Variants in PCDHGB2 observed in about 807,000 individuals in gnomAD.
PCDHGB2 encodes protocadherin gamma-B2.
PCDHGB2 carries 55 observed loss-of-function variants against 59.3 expected under a neutral mutation model. The ratio of observed to expected loss-of-function variants is 0.93; its 90% CI spans 0.75 to 1.16. The LOEUF (loss-of-function observed/expected upper bound fraction) is 1.16, where lower values mean the gene tolerates loss of function less well. PCDHGB2 is among the 50% of genes most tolerant of loss of function. The probability of loss-of-function intolerance (pLI) is 0.00; values close to 1 mark genes in which losing one functional copy is unlikely to be tolerated. For synonymous variants in PCDHGB2, 516 were observed against 512.0 expected, an observed-to-expected ratio of 1.01 and a Z score of -0.11; for missense variants, 1,228 against 1,198.5, an observed-to-expected ratio of 1.02 and a Z score of -0.36.
At chr5:141,433,847 A>AAAAAAAC (rs1296633381) in intron 1 of PCDHGB2, among the ~76,000 whole-genome samples, 1 of 151,976 alleles carries the variant, frequency 6.6e-6, no homozygotes, top group Non-Finnish European at 1.5e-5. Flanking sequence ...CAAAAAAAAA[A>AAAAAAAC]AAAAAAAACT....
At position 141,404,169 on chromosome 5, in the gene PCDHGB2, C is replaced by A; in HGVS notation, c.2421+41613C>A. On this transcript the variant is annotated intron_variant, in intron 1 of 3. Transcript: ENST00000522605. Reference sequence around the variant, plus strand: ...GAAGAAGATTATTACAGATTGTTGACGGCCCAAATTCTTGACCGAGAAAAA... The same window carrying A: ...GAAGAAGATTATTACAGATTGTTGAAGGCCCAAATTCTTGACCGAGAAAAA... 1 of 1,612,736 alleles carries A rather than the reference C, an allele frequency of 6.2e-7. No individual in the cohort carries two copies. The highest frequency in any genetic ancestry group is 8.5e-7 in the Non-Finnish European group (1 of 1,179,276).
intron 1 of PCDHGB2, among the ~76,000 whole-genome samples, chr5:141,470,528 G>A (rs1446688992): frequency 6.6e-6 from 1 of 152,140 alleles, no homozygotes; most frequent in East Asian, 1.9e-4. Context: ...ATTAAAATAT[G>A]TATCAGGTAA....
chr5:141,458,390 C>T (rs2098944487), intron 1 of PCDHGB2, among the ~76,000 whole-genome samples: 1 of 152,058 alleles, frequency 6.6e-6, no homozygotes, highest in Non-Finnish European at 1.5e-5. Context: ...GAAGACGCTC[C>T]CCCTTGCAGA....
At chr5:141,420,211 T>C (rs759486952) in intron 1 of PCDHGB2, 11 of 1,612,388 alleles carry the variant, frequency 6.8e-6, no homozygotes, top group African/African-American at 1.3e-5. Context: ...TCAACAAAGA[T>C]AGCATGCTAC....
chr5:141,386,441 T>C (rs908191919), intron 1 of PCDHGB2, among the ~76,000 whole-genome samples: 3 of 152,152 alleles, frequency 2.0e-5, no homozygotes, highest in African/African-American at 7.2e-5. Context: ...CATGGGAGGC[T>C]GAGGCAAGAG....
At chr5:141,506,898 T>C (rs2099857040) in intron 3 of PCDHGB2, among the ~76,000 whole-genome samples, 1 of 152,260 alleles carries the variant, frequency 6.6e-6, no homozygotes, top group East Asian at 1.9e-4. Context: ...AGAAGCACTG[T>C]CATCACACCT....
intron 3 of PCDHGB2, among the ~76,000 whole-genome samples, chr5:141,509,164 C>A (rs1454864362): frequency 6.6e-6 from 1 of 152,188 alleles, no homozygotes; most frequent in Non-Finnish European, 1.5e-5. Context: ...TCCCGTGTGC[C>A]CTCCTCCTCT....
Position 141,485,261 on chromosome 5 carries a change from C to G in PCDHGB2, c.2422-9546C>G, listed in dbSNP as rs759268725. 1 of 1,614,076 alleles carries G rather than the reference C, an allele frequency of 6.2e-7. No homozygotes were observed. The highest frequency in any genetic ancestry group is 8.5e-7 in the Non-Finnish European group (1 of 1,179,904). On this transcript the variant is annotated intron_variant, in intron 1 of 3. Transcript: ENST00000522605. This position sits in a 1 kb window ranked among gnomAD's most constrained non-coding sequence, Gnocchi z 5.7. The stretch of plus-strand genomic sequence containing the variant: ...TTACCACCTGGGTTACGTTTGTGGG[C>G]AGATCCGCTACCCGGTCCCAGAGGA...
intron 3 of PCDHGB2, chr5:141,508,127 G>A (rs1220643878): frequency 6.6e-6 from 1 of 152,628 alleles, no homozygotes; most frequent in Non-Finnish European, 1.5e-5. Context: ...ACAGAGGGAG[G>A]TCAGGGAGCT....
At chr5:141,373,462 G>C (rs1769608771) in intron 1 of PCDHGB2, among the ~76,000 whole-genome samples, 1 of 152,218 alleles carries the variant, frequency 6.6e-6, no homozygotes, top group African/African-American at 2.4e-5. Context: ...GGTAGCAGCT[G>C]CAATGAGCTA....
intron 1 of PCDHGB2, among the ~76,000 whole-genome samples, chr5:141,458,663 G>A (rs1045303205): frequency 2.6e-5 from 4 of 151,804 alleles, no homozygotes; most frequent in Admixed American, 6.6e-5. Context: ...TCCACCTCTC[G>A]GGTTCAAGCA....
At chr5:141,459,846 A>G (rs945742948) in intron 1 of PCDHGB2, among the ~76,000 whole-genome samples, 1 of 152,170 alleles carries the variant, frequency 6.6e-6, no homozygotes, top group Admixed American at 6.5e-5. Context: ...CTATTTGTAT[A>G]TCTTCTTGAA....
chr5:141,476,551 C>G lies in PCDHGB2; in HGVS notation c.2422-18256C>G, dbSNP rs367700651. ...CCCAGGAAATGAAATTGGAGATTAG[C>G]GAGGCCGTGGCTCCGGGGACGCGCT... On this transcript the variant is annotated intron_variant, in intron 1 of 3. Transcript: ENST00000522605. The surrounding 1 kb of genome is among the most constrained non-coding windows in gnomAD (Gnocchi z 7.6). 128 of 1,614,078 alleles carry G rather than the reference C, an allele frequency of 7.9e-5. No homozygotes were observed. Among genetic ancestry groups the G allele is most frequent in the Non-Finnish European group, 1.0e-4 (122 of 1,180,034 alleles).
At position 141,361,775 on chromosome 5, in the gene PCDHGB2, G is replaced by A. The variant is rs1435917865; in HGVS notation, c.1640G>A (p.Ser547Asn). The A allele has an allele frequency of 6.2e-7, 1 of 1,613,226 alleles. No individual in the cohort carries two copies. Among genetic ancestry groups the A allele is most frequent in the South Asian group, 1.1e-5 (1 of 91,068 alleles). The change falls in exon 1 of 4, where the codon AGC becomes AAC. Residue 547 changes from serine to asparagine, a missense_variant. Ser to Asn is a conservative substitution (Grantham distance 46). Coordinates refer to ENST00000522605, the MANE Select transcript of PCDHGB2 (RefSeq NM_018923.3). ...TCGCCCGCGCTCAGCGCCAACGTGAGCCTGCGCGTGTTAGTGGGCGACCTC... is the reference window on the plus strand; with the variant it reads ...TCGCCCGCGCTCAGCGCCAACGTGAACCTGCGCGTGTTAGTGGGCGACCTC... The part of the protein sequence containing the change: ...QGSPALSANV[S>N]LRVLVGDLND...
rs1191643556 is a variant in PCDHGB2 at position 141,486,302 on chromosome 5, C to A, written c.2422-8505C>A. On this transcript the variant is annotated intron_variant, in intron 1 of 3. Transcript: ENST00000522605. The surrounding 1 kb of genome is among the most constrained non-coding windows in gnomAD (Gnocchi z 5.0). ...GGTGGCACTTATCAGTGTGCAGGAT[C>A]CAGACTCAGGGTCAAACGGAGATGT... The A allele has an allele frequency of 6.2e-7, 1 of 1,614,036 alleles. No individual in the cohort carries two copies. The highest frequency in any genetic ancestry group is 8.5e-7 in the Non-Finnish European group (1 of 1,179,994).
intron 1 of PCDHGB2, chr5:141,389,594 T>G (rs1458391866): frequency 1.2e-5 from 19 of 1,613,068 alleles, no homozygotes; most frequent in Non-Finnish European, 1.5e-5. Flanking sequence ...CCGACGGCTC[T>G]GCGCTCTTCG....
intron 1 of PCDHGB2, among the ~76,000 whole-genome samples, chr5:141,446,571 G>C (rs1460375061): frequency 2.0e-5 from 3 of 152,058 alleles, no homozygotes; most frequent in African/African-American, 7.2e-5. Flanking sequence ...CTGCCTCCCA[G>C]GTTCAAGTGA....
intron 1 of PCDHGB2, chr5:141,421,219 G>T (rs894586889): frequency 1.0e-5 from 16 of 1,573,208 alleles, no homozygotes; most frequent in Non-Finnish European, 1.3e-5. Context: ...TATCGGCTTA[G>T]AGCCTGCCAT....
chr5:141,421,567 A>G (rs1202908091), intron 1 of PCDHGB2: 27 of 1,613,972 alleles, frequency 1.7e-5, no homozygotes, highest in Non-Finnish European at 2.2e-5. Context: ...CGTGGAAGAC[A>G]CCTTGAAGAT....
Sources: gnomAD v4.1 joint callset for allele counts (sites outside exome capture counted in the v4.1 genomes callset) on GRCh38, gnomAD v4.1.1 for gene constraint, Gnocchi (gnomAD v3.1) non-coding constraint, MANE v1.5 for transcripts, NCBI Gene and HGNC (gene_info 2026-07-23, HGNC 2026-07-21) for gene names.